MITF: variants seen among roughly 807,000 people sequenced by gnomAD.
MITF encodes the protein microphthalmia-associated transcription factor.
A neutral mutation model predicts 60.5 loss-of-function variants in MITF; 17 were observed. That is an observed-to-expected ratio of 0.28 (90% confidence interval 0.19 to 0.42). MITF has a LOEUF of 0.42. Ranked by LOEUF, MITF falls within the 10% of genes least tolerant of loss-of-function variation. The probability of loss-of-function intolerance (pLI) is 1.00; values close to 1 mark genes in which losing one functional copy is unlikely to be tolerated. For missense variants in MITF, 622 were observed against 683.5 expected (o/e 0.91, Z 1.00); for synonymous variants, 260 against 248.5 (o/e 1.05, Z -0.43).
intron 1 of MITF, among the ~76,000 whole-genome samples, chr3:69,748,806 A>C (rs1175233614): frequency 6.6e-6 from 1 of 152,092 alleles, no homozygotes; most frequent in Non-Finnish European, 1.5e-5. Context: ...GGTTGTCCCC[A>C]CTGTTGGGAG....
intron 1 of MITF, among the ~76,000 whole-genome samples, chr3:69,756,167 C>T (rs1454554098): frequency 6.6e-6 from 1 of 151,948 alleles, no homozygotes; most frequent in Admixed American, 6.5e-5. Context: ...GCAGAATGTG[C>T]AGGTTTGTTA....
chr3:69,759,143 C>G lies in MITF; in HGVS notation c.104+19442C>G, dbSNP rs571015592. Among the ~76,000 whole-genome samples the G allele has an allele frequency of 2.0e-5, 3 of 152,330 alleles. No individual in the cohort carries two copies. The South Asian group carries it at 6.2e-4, about 32-fold the overall frequency. ...ATACAGGATAAGTTCCTTAGAGCCT[C>G]TGGTCGCAACATTTAATCAATCTAT... On this transcript the variant is annotated intron_variant, in intron 1 of 9. Coordinates refer to ENST00000352241, the MANE Select transcript of MITF (RefSeq NM_001354604.2).
intron 1 of MITF, among the ~76,000 whole-genome samples, chr3:69,746,004 A>G (rs1211823845): frequency 2.0e-5 from 3 of 152,240 alleles, no homozygotes; most frequent in African/African-American, 7.2e-5. Flanking sequence ...TAACTAAAAC[A>G]TATATAGAAT....
Position 69,821,950 on chromosome 3 carries a change from C to T in MITF, c.105-57184C>T, listed in dbSNP as rs535367258. 1.4e-3 allele frequency among the ~76,000 whole-genome samples: 209 copies of T among 152,192 alleles called. 2 individuals carry two copies. The highest frequency in any genetic ancestry group is 0.012 in the Admixed American group (176 of 15,288). Reference sequence around the variant, plus strand: ...TAGAGATGGGGTTTCGCCATGTTGGCCAGGCTGGTCTAGAACGCCTGGGCT... The same window carrying T: ...TAGAGATGGGGTTTCGCCATGTTGGTCAGGCTGGTCTAGAACGCCTGGGCT... On this transcript the variant is annotated intron_variant, in intron 1 of 9. Coordinates refer to ENST00000352241, the MANE Select transcript of MITF (RefSeq NM_001354604.2).
At chr3:69,796,957 G>T (rs6795463) in intron 1 of MITF, among the ~76,000 whole-genome samples, 51,962 of 152,004 alleles carry the variant, frequency 0.34, 9,813 homozygotes, top group Non-Finnish European at 0.42. Flanking sequence ...TGTGATAAAG[G>T]TTGCAGAAAC....
rs2064485457 is a variant in MITF at position 69,881,457 on chromosome 3, A to G, written c.354+2074A>G. ...ATTCTTAAATGAAGAAACAAATAAG[A>G]ATACACGATTTTATTAAGACAATAT... On this transcript the variant is annotated intron_variant, in intron 2 of 9. Transcript: ENST00000352241. 2.6e-5 allele frequency among the ~76,000 whole-genome samples: 4 copies of G among 152,096 alleles called. No individual in the cohort carries two copies. The South Asian group carries it at 8.3e-4, about 31-fold the overall frequency.
At chr3:69,889,763 A>G (rs1271447256) in intron 2 of MITF, among the ~76,000 whole-genome samples, 1 of 152,102 alleles carries the variant, frequency 6.6e-6, no homozygotes, top group Admixed American at 6.6e-5. Context: ...CATATACCTA[A>G]CTTGTTTCAA....
intron 1 of MITF, among the ~76,000 whole-genome samples, chr3:69,868,414 A>AT (rs1436181633): frequency 2.0e-5 from 3 of 151,992 alleles, no homozygotes; most frequent in Non-Finnish European, 4.4e-5. Flanking sequence ...TGGTCTGTGG[A>AT]TTTTCACTTA....
At chr3:69,950,341 A>C (rs1356682223) in intron 6 of MITF, among the ~76,000 whole-genome samples, 2 of 151,574 alleles carry the variant, frequency 1.3e-5, no homozygotes, top group Non-Finnish European at 2.9e-5. Flanking sequence ...CAACAACTTA[A>C]GAATCATTGA....
chr3:69,771,933 T>A (rs1216352009), intron 1 of MITF, among the ~76,000 whole-genome samples: 1 of 152,180 alleles, frequency 6.6e-6, no homozygotes, highest in Non-Finnish European at 1.5e-5. Flanking sequence ...TTTATGTGTG[T>A]GTTGGGCTAT....
chr3:69,762,843 G>A lies in MITF; in HGVS notation c.104+23142G>A, dbSNP rs191945050. 9 of 224,260 alleles carry A rather than the reference G, an allele frequency of 4.0e-5. No homozygotes were observed. The Admixed American group carries it at 4.0e-4, about 10-fold the overall frequency. The allele number at this position is 224,260 out of a possible 1,614,324, so 13.9% of individuals were successfully genotyped here. ...TGTGTAGTGGGTACTGGTCTTCTGG[G>A]AATAGTGTCTAGATGAATGTTTAAT... On this transcript the variant is annotated intron_variant, in intron 1 of 9. Transcript: ENST00000352241.
At chr3:69,869,530 A>C (rs978939983) in intron 1 of MITF, among the ~76,000 whole-genome samples, 2 of 152,198 alleles carry the variant, frequency 1.3e-5, no homozygotes, top group African/African-American at 4.8e-5. Context: ...ATGAGCCCAC[A>C]TACATCTCTC....
intron 1 of MITF, among the ~76,000 whole-genome samples, chr3:69,834,847 T>TTTC (rs1289216779): frequency 1.8e-5 from 1 of 56,088 alleles, no homozygotes; most frequent in African/African-American, 6.6e-5. Flanking sequence ...TTTTCTTTTC[T>TTTC]TTTTTTTTTT....
intron 2 of MITF, among the ~76,000 whole-genome samples, chr3:69,915,687 A>C (rs1472553104): frequency 6.6e-6 from 1 of 152,210 alleles, no homozygotes; most frequent in East Asian, 1.9e-4. Context: ...CTGAGTTGCT[A>C]GGCAGTAAGA....
chr3:69,938,049 G>T lies in MITF; in HGVS notation c.582G>T (p.Glu194Asp). The T allele has an allele frequency of 6.2e-7, 1 of 1,613,362 alleles. No individual in the cohort carries two copies. The highest frequency in any genetic ancestry group is 8.5e-7 in the Non-Finnish European group (1 of 1,179,360). Reference sequence around the variant, plus strand: ...CGCTTAACTCCAACTGTGAAAAAGAGGTAATTCATGTCTCCTCTCCTCTCC... The same window carrying T: ...CGCTTAACTCCAACTGTGAAAAAGATGTAATTCATGTCTCCTCTCCTCTCC... ...MLTLNSNCEKEGFYKFEEQNR... is the reference protein window; with the variant it reads ...MLTLNSNCEKDGFYKFEEQNR... The change falls in exon 3 of 10, where the codon GAG becomes GAT. Residue 194 changes from glutamate (E) to aspartate (D), a missense_variant and splice_region_variant. Transcript: ENST00000352241.
chr3:69,847,811 A>G (rs534860655), intron 1 of MITF, among the ~76,000 whole-genome samples: 1 of 152,322 alleles, frequency 6.6e-6, no homozygotes, highest in South Asian at 2.1e-4. Context: ...ACTTTATATC[A>G]GATTTTCTAA....
chr3:69,945,533 T>C (rs1307124275), intron 5 of MITF, among the ~76,000 whole-genome samples: 1 of 152,212 alleles, frequency 6.6e-6, no homozygotes, highest in Non-Finnish European at 1.5e-5. Flanking sequence ...AAGAACCAAC[T>C]ACAGAATCCT....
intron 1 of MITF, among the ~76,000 whole-genome samples, chr3:69,860,758 A>G (rs1211969142): frequency 6.6e-6 from 1 of 152,134 alleles, no homozygotes; most frequent in Non-Finnish European, 1.5e-5. Context: ...CCATTCTTTA[A>G]TAATGTTGGG....
At chr3:69,874,531 G>GAT (rs2064309613) in intron 1 of MITF, among the ~76,000 whole-genome samples, 1 of 152,244 alleles carries the variant, frequency 6.6e-6, no homozygotes, top group South Asian at 2.1e-4. Context: ...CTGAGAGGCA[G>GAT]ATGTATTGCG....
Sources: allele counts gnomAD v4.1 joint callset (sites outside exome capture counted in the v4.1 genomes callset), GRCh38; gene constraint gnomAD v4.1.1; transcripts MANE v1.5; gene names NCBI Gene and HGNC (gene_info 2026-07-23, HGNC 2026-07-21).